ABL2: variants seen among roughly 807,000 people sequenced by gnomAD.
The protein encoded by ABL2 is tyrosine-protein kinase ABL2.
ABL2 carries 49 observed loss-of-function variants against 107.7 expected under a neutral mutation model. The observed-to-expected ratio is 0.45, with a 90% CI of 0.36 to 0.58. ABL2 has a LOEUF of 0.58. Among genes scored for constraint, ABL2 ranks in the 20% least tolerant of loss-of-function variants. ABL2 has a pLI of 0.00. For synonymous variants in ABL2, 549 were observed against 548.6 expected (o/e 1.00, Z -0.01); for missense variants, 1,245 against 1,457.0 (o/e 0.85, Z 2.37).
chr1:179,181,015 A>G (rs1002764197), intron 1 of ABL2, among the ~76,000 whole-genome samples: 1 of 152,228 alleles, frequency 6.6e-6, no homozygotes, highest in South Asian at 2.1e-4. Flanking sequence ...TAGACTTGCA[A>G]TGGTGCAAAC....
At chr1:179,155,311 G>A (rs1373390653) in intron 1 of ABL2, among the ~76,000 whole-genome samples, 5 of 152,212 alleles carry the variant, frequency 3.3e-5, no homozygotes, top group African/African-American at 9.7e-5. Flanking sequence ...CGATATGCAT[G>A]TGCTTACCAA....
chr1:179,113,237 T>C (rs1654279249), intron 9 of ABL2, among the ~76,000 whole-genome samples: 1 of 152,110 alleles, frequency 6.6e-6, no homozygotes, highest in African/African-American at 2.4e-5. Context: ...CTAAGGCTGG[T>C]GCTTCGATTT....
At chr1:179,167,934 G>A (rs577068155) in intron 1 of ABL2, among the ~76,000 whole-genome samples, 13 of 152,276 alleles carry the variant, frequency 8.5e-5, no homozygotes, top group East Asian at 3.9e-4. Context: ...AGCCGAGATC[G>A]TGCCACTGCA....
At chr1:179,146,390 G>C (rs1033730339) in intron 1 of ABL2, among the ~76,000 whole-genome samples, 4 of 152,138 alleles carry the variant, frequency 2.6e-5, no homozygotes, top group African/African-American at 9.7e-5. Flanking sequence ...TGGGTAGATG[G>C]CCATGTAATT....
intron 1 of ABL2, among the ~76,000 whole-genome samples, chr1:179,222,454 G>A (rs534263754): frequency 7.2e-5 from 11 of 151,758 alleles, no homozygotes; most frequent in South Asian, 2.1e-4. Context: ...ACAGTAGCAC[G>A]ATCTCGGCTC....
intron 1 of ABL2, 74 bp downstream of exon 1, chr1:179,229,167 T>TCCCCCCCCCCACCCCCCCCCCCCCCCCCC: frequency 2.5e-6 from 1 of 402,572 alleles, no homozygotes; most frequent in Non-Finnish European, 4.6e-6. Flanking sequence ...GGGCAGCCCG[T>TCCCCCCCCCCACCCCCCCCCCCCCCCCCC]CCGCCACCCA....
intron 1 of ABL2, among the ~76,000 whole-genome samples, chr1:179,181,114 C>A (rs1425927000): frequency 2.0e-5 from 3 of 152,192 alleles, no homozygotes; most frequent in African/African-American, 7.2e-5. Flanking sequence ...CAGTACATTC[C>A]TTCTTGTTCC....
At chr1:179,218,382 AC>A (rs1263740731) in intron 1 of ABL2, among the ~76,000 whole-genome samples, 4 of 150,638 alleles carry the variant, frequency 2.7e-5, no homozygotes, top group Non-Finnish European at 5.9e-5. Flanking sequence ...TCATTCAATC[AC>A]CTCTGATCAA....
chr1:179,132,511 CTTATGATTA>C (rs1656437662), intron 2 of ABL2, among the ~76,000 whole-genome samples: 1 of 151,808 alleles, frequency 6.6e-6, no homozygotes, highest in Admixed American at 6.5e-5. Flanking sequence ...TCTTCCTCCA[CTTATGATTA>C]TTATGATTAT....
At chr1:179,143,799 T>C (rs188055096) in intron 1 of ABL2, among the ~76,000 whole-genome samples, 37 of 152,260 alleles carry the variant, frequency 2.4e-4, no homozygotes, top group Admixed American at 2.4e-3. Flanking sequence ...CGGGTTCAAG[T>C]GATTATCCTG....
At chr1:179,149,072 G>A (rs190156838) in intron 1 of ABL2, among the ~76,000 whole-genome samples, 8 of 152,286 alleles carry the variant, frequency 5.3e-5, no homozygotes, top group South Asian at 2.1e-4. Context: ...TACGTCTCTC[G>A]TACAAGTTAG....
In ABL2 at chr1:179,104,922, T is replaced by C. The variant is rs967404712; in HGVS notation, c.*2796A>G. ...TCTGCTTTGGATTCAAACCTTTTAATTTACATAAGGGTTTGTGTTTAAGCT... is the reference window on the plus strand; with the variant it reads ...TCTGCTTTGGATTCAAACCTTTTAACTTACATAAGGGTTTGTGTTTAAGCT... On this transcript the variant is annotated 3_prime_UTR_variant, in exon 12 of 12. Transcript: ENST00000502732. 5.4e-5 allele frequency: 12 copies of C among 222,156 alleles called. No individual in the cohort carries two copies. The highest frequency in any genetic ancestry group is 2.5e-4 in the African/African-American group (11 of 44,720). The allele number at this position is 222,156 out of a possible 1,614,324, so 13.8% of individuals were successfully genotyped here. A position where few individuals can be genotyped will look rare whatever the true frequency, so the allele number is the denominator to read the frequency against.
intron 1 of ABL2, among the ~76,000 whole-genome samples, chr1:179,225,078 A>G (rs1318485247): frequency 6.6e-6 from 1 of 152,148 alleles, no homozygotes; most frequent in Non-Finnish European, 1.5e-5. Context: ...GATCTCAGAA[A>G]AGTCACACAG....
intron 1 of ABL2, chr1:179,184,005 A>T: frequency 3.7e-6 from 1 of 268,976 alleles, no homozygotes; most frequent in African/African-American, 2.3e-5. Context: ...AAAATGAAAT[A>T]GACAGGCTTA....
chr1:179,114,349 AGTGAGCCGAAATCACGT>A (rs1261617303), intron 9 of ABL2, among the ~76,000 whole-genome samples: 1 of 130,970 alleles, frequency 7.6e-6, no homozygotes, highest in Non-Finnish European at 1.7e-5. Flanking sequence ...TAGAGGTTTC[AGTGAGCCGAAATCACGT>A]CACTGAGCCG....
chr1:179,174,751 T>C (rs1418615541), intron 1 of ABL2, among the ~76,000 whole-genome samples: 1 of 151,142 alleles, frequency 6.6e-6, no homozygotes, highest in African/African-American at 2.4e-5. Context: ...GTTTGAGACC[T>C]CAAAGTGTTG....
At chr1:179,171,681 C>T (rs573846655) in intron 1 of ABL2, among the ~76,000 whole-genome samples, 1 of 152,252 alleles carries the variant, frequency 6.6e-6, no homozygotes, top group African/African-American at 2.4e-5. Flanking sequence ...TGCCACCATG[C>T]CCAGCTAACT....
intron 1 of ABL2, among the ~76,000 whole-genome samples, chr1:179,181,689 T>C (rs924212743): frequency 3.3e-5 from 5 of 152,210 alleles, no homozygotes; most frequent in African/African-American, 4.8e-5. Context: ...GCTCATTCTT[T>C]CTAATACACG....
At chr1:179,111,744 T>A (rs1413374562) in intron 10 of ABL2, among the ~76,000 whole-genome samples, 3 of 152,100 alleles carry the variant, frequency 2.0e-5, no homozygotes, top group African/African-American at 7.2e-5. Flanking sequence ...CTACTTTCCA[T>A]GTCAATATAT....
Sources: allele counts gnomAD v4.1 joint callset (sites outside exome capture counted in the v4.1 genomes callset), GRCh38; gene constraint gnomAD v4.1.1; transcripts MANE v1.5; gene names NCBI Gene and HGNC (gene_info 2026-07-23, HGNC 2026-07-21).